MYRIP: variants seen among roughly 807,000 people sequenced by gnomAD.
MYRIP encodes the protein rab effector MyRIP.
In MYRIP, 49 loss-of-function variants were observed where a neutral mutation model predicts 98.0. The ratio of observed to expected loss-of-function variants is 0.50; its 90% confidence interval spans 0.40 to 0.63. The LOEUF (loss-of-function observed/expected upper bound fraction) is 0.63, where lower values mean the gene tolerates loss of function less well. MYRIP is among the 30% of genes least tolerant of loss of function. The pLI, the probability that MYRIP is intolerant of heterozygous loss-of-function variation, is 0.00. For synonymous variants in MYRIP, 404 were observed against 409.5 expected (o/e 0.99, Z 0.16); for missense variants, 1,004 against 1,058.2 (o/e 0.95, Z 0.71).
At chr3:40,250,155 A>C in intron 13 of MYRIP, 67 bp from the exon 14 acceptor site, 4 of 1,313,920 alleles carry the variant, frequency 3.0e-6, no homozygotes, top group Non-Finnish European at 4.4e-6. Flanking sequence ...AATTCTTAAC[A>C]CTTTTAAGAA....
intron 8 of MYRIP, among the ~76,000 whole-genome samples, chr3:40,178,409 C>T (rs1159058954): frequency 6.6e-6 from 1 of 152,168 alleles, no homozygotes. Flanking sequence ...GCACATTAAC[C>T]AGGAGTGCAT....
chr3:39,965,082 A>C (rs1031628581), intron 2 of MYRIP, among the ~76,000 whole-genome samples: 8 of 152,094 alleles, frequency 5.3e-5, no homozygotes, highest in African/African-American at 1.7e-4. Flanking sequence ...AGTATAGAGC[A>C]GTAATAATTC....
At chr3:40,115,001 A>C (rs773585954) in intron 3 of MYRIP, among the ~76,000 whole-genome samples, 2 of 152,330 alleles carry the variant, frequency 1.3e-5, no homozygotes, top group South Asian at 2.1e-4. Context: ...AGCATGAATA[A>C]ACTGATACAT....
intron 2 of MYRIP, among the ~76,000 whole-genome samples, chr3:39,974,587 A>C (rs1252624004): frequency 1.3e-5 from 2 of 152,196 alleles, no homozygotes; most frequent in Non-Finnish European, 2.9e-5. Context: ...AGCCTGGCAG[A>C]GACACACCAA....
intron 4 of MYRIP, among the ~76,000 whole-genome samples, chr3:40,154,085 A>T (rs967142206): frequency 6.6e-6 from 1 of 151,808 alleles, no homozygotes; most frequent in African/African-American, 2.4e-5. Context: ...GGTTGCAGTG[A>T]GCCGAGATTG....
chr3:40,204,044 TATAATATA>T (rs1485220458), intron 10 of MYRIP, among the ~76,000 whole-genome samples: 1 of 8,538 alleles, frequency 1.2e-4, no homozygotes. Context: ...ATATATTATA[TATAATATA>T]TTTATATATA....
rs114517882 is a variant in MYRIP, at chr3:40,076,036, A to T, written c.332+31765A>T. Among the ~76,000 whole-genome samples the T allele has an allele frequency of 6.8e-3, 1,041 of 152,228 alleles. 16 individuals carry two copies. The highest frequency in any genetic ancestry group is 0.024 in the African/African-American group (991 of 41,532). Reference sequence around the variant, plus strand: ...CGTGGTAAAACCTCATCTCTAAAAAAATAAAATAAAATACAAAAATTAGCT... The same window carrying T: ...CGTGGTAAAACCTCATCTCTAAAAATATAAAATAAAATACAAAAATTAGCT... On this transcript the variant is annotated intron_variant, in intron 3 of 16. Transcript: ENST00000302541.
intron 2 of MYRIP, among the ~76,000 whole-genome samples, chr3:39,973,467 C>A (rs1945656107): frequency 6.6e-6 from 1 of 151,988 alleles, no homozygotes; most frequent in Non-Finnish European, 1.5e-5. Context: ...ACTTTAACAC[C>A]CCACTGTCAA....
intron 10 of MYRIP, among the ~76,000 whole-genome samples, chr3:40,205,496 A>G (rs1951768176): frequency 1.3e-5 from 2 of 152,152 alleles, no homozygotes; most frequent in Admixed American, 1.3e-4. Context: ...ACACGTACAA[A>G]TATCGATTTA....
chr3:40,004,582 G>A (rs1202476253), intron 2 of MYRIP, among the ~76,000 whole-genome samples: 3 of 152,034 alleles, frequency 2.0e-5, no homozygotes, highest in African/African-American at 4.8e-5. Context: ...CCTGTCACCC[G>A]AGCAGTATAC....
chr3:40,121,173 G>T (rs1949396843), intron 3 of MYRIP, among the ~76,000 whole-genome samples: 1 of 152,160 alleles, frequency 6.6e-6, no homozygotes. Flanking sequence ...AAGAGGATGT[G>T]CTGCTGTGCC....
chr3:39,956,690 G>A (rs946174601), intron 2 of MYRIP, among the ~76,000 whole-genome samples: 5 of 151,840 alleles, frequency 3.3e-5, no homozygotes, highest in Admixed American at 6.6e-5. Context: ...GAGCAGAACT[G>A]AAGGAAATAG....
Position 40,042,164 on chromosome 3 carries a change from A to G in MYRIP, c.111-1886A>G, listed in dbSNP as rs1046072081. 4.7e-5 allele frequency among the ~76,000 whole-genome samples: 7 copies of G among 148,436 alleles called. No individual in the cohort carries two copies. In the East Asian group the frequency reaches 7.8e-4, roughly 17 times the overall value. ...TTACAGATCAACTTTGTGAAGATAT[A>G]TAACAATATAGTAAAATGCTTATAA... On this transcript the variant is annotated intron_variant, in intron 2 of 16. Coordinates refer to ENST00000302541, the MANE Select transcript of MYRIP (RefSeq NM_015460.4).
At chr3:39,962,484 G>A (rs547860414) in intron 2 of MYRIP, among the ~76,000 whole-genome samples, 196 of 151,658 alleles carry the variant, frequency 1.3e-3, no homozygotes, top group African/African-American at 4.6e-3. Context: ...GTTCAATGAA[G>A]GGATGGGAAT....
intron 3 of MYRIP, among the ~76,000 whole-genome samples, chr3:40,081,640 A>C (rs973765186): frequency 6.6e-6 from 1 of 152,262 alleles, no homozygotes; most frequent in African/African-American, 2.4e-5. Context: ...TAATTAAATG[A>C]AACTAATTAA....
At chr3:39,952,183 A>G (rs887903648) in intron 2 of MYRIP, among the ~76,000 whole-genome samples, 3 of 152,158 alleles carry the variant, frequency 2.0e-5, no homozygotes, top group African/African-American at 4.8e-5. Flanking sequence ...TTCATTTAGC[A>G]TACTATTTTT....
intron 1 of MYRIP, among the ~76,000 whole-genome samples, chr3:39,857,785 T>C (rs914408943): frequency 6.6e-6 from 1 of 152,182 alleles, no homozygotes; most frequent in Non-Finnish European, 1.5e-5. Flanking sequence ...AGTTATTATA[T>C]ATGATCAAAA....
At chr3:40,169,395 G>T (rs1950563444) in intron 7 of MYRIP, among the ~76,000 whole-genome samples, 1 of 152,178 alleles carries the variant, frequency 6.6e-6, no homozygotes, top group Admixed American at 6.5e-5. Flanking sequence ...CAGAGACCTT[G>T]GTACGGATGG....
intron 2 of MYRIP, among the ~76,000 whole-genome samples, chr3:39,980,873 A>G (rs921524303): frequency 1.3e-5 from 2 of 152,172 alleles, no homozygotes; most frequent in Non-Finnish European, 2.9e-5. Context: ...GGTAGTTGCC[A>G]GGGGCTGGGA....
Sources: allele counts gnomAD v4.1 joint callset (sites outside exome capture counted in the v4.1 genomes callset), GRCh38; gene constraint gnomAD v4.1.1; transcripts MANE v1.5; gene names NCBI Gene and HGNC (gene_info 2026-07-23, HGNC 2026-07-21).